DCUN1D1: variants seen among roughly 807,000 people sequenced by gnomAD.
DCUN1D1 encodes defective in cullin neddylation 1 domain containing 1.
A neutral mutation model predicts 39.0 loss-of-function variants in DCUN1D1; 3 were observed. The observed-to-expected ratio is 0.08, with a 90% CI of 0.04 to 0.20. DCUN1D1 has a LOEUF of 0.20. Ranked by LOEUF, DCUN1D1 falls within the 10% of genes least tolerant of loss-of-function variation. DCUN1D1 has a pLI of 1.00. For missense variants in DCUN1D1, 158 were observed against 302.4 expected (o/e 0.52, Z 3.54); for synonymous variants, 82 against 96.3 (o/e 0.85, Z 0.87).
At chr3:182,973,153 C>A (rs1256316175) in intron 1 of DCUN1D1, among the ~76,000 whole-genome samples, 1 of 152,058 alleles carries the variant, frequency 6.6e-6, no homozygotes, top group African/African-American at 2.4e-5. Context: ...TAGTATAGAA[C>A]CCTATATATA....
At chr3:182,980,062 G>A in intron 1 of DCUN1D1, 1 of 725,882 alleles carries the variant, frequency 1.4e-6, no homozygotes, top group Non-Finnish European at 1.7e-6. Context: ...TCGGGGCGGG[G>A]GGAGGCTACT....
rs960273141 is a variant in DCUN1D1 at position 182,965,590 on chromosome 3, A to G, written c.167T>C (p.Val56Ala). 2 of 1,613,632 alleles carry G rather than the reference A, an allele frequency of 1.2e-6. No individual in the cohort carries two copies. The highest frequency in any genetic ancestry group is 2.7e-5 in the African/African-American group (2 of 74,904). ...CTTCTTCCTGTCCAATGATCCTTTT[A>G]CACTCTCTCGTATATAAAGTTCAGG... The part of the protein sequence containing the change: ...QNPELYIRES[V>A]KGSLDRKKLE... Residue 56 changes from valine (V) to alanine (A), a missense_variant, in exon 2 of 7, where the codon GTA (valine) becomes GCA (alanine). Val to Ala is a moderately conservative substitution (Grantham distance 64). Transcript: ENST00000292782.
rs1577147093 is a variant in DCUN1D1, at chr3:182,938,860, A to G, written c.*6234T>C. On this transcript the variant is annotated 3_prime_UTR_variant, in exon 7 of 7. Coordinates refer to ENST00000292782, the MANE Select transcript of DCUN1D1 (RefSeq NM_020640.4). ...ATCTGTACAAAGTTTAATTACCACCACCAGTCAGTCATAGGCTAGTCGAGT... is the reference window on the plus strand; with the variant it reads ...ATCTGTACAAAGTTTAATTACCACCGCCAGTCAGTCATAGGCTAGTCGAGT... 6.6e-6 allele frequency: 1 copy of G among 152,314 alleles called. No individual in the cohort carries two copies. Among genetic ancestry groups the G allele is most frequent in the African/African-American group, 2.4e-5 (1 of 41,452 alleles). 9.4% of individuals were successfully genotyped at this position (152,314 alleles called of 1,614,324 possible).
chr3:182,966,121 G>C (rs780956436), intron 1 of DCUN1D1, among the ~76,000 whole-genome samples: 19 of 152,038 alleles, frequency 1.2e-4, no homozygotes, highest in Non-Finnish European at 2.2e-4. Flanking sequence ...ACACGGGGAA[G>C]AAGGTGACAT....
In DCUN1D1 at chr3:182,943,106, T is replaced by A. The variant is rs1726212880; in HGVS notation, c.*1988A>T. ...CCAATATGACTTTTAAAGAAAACAC[T>A]TTATATTGAAAAAAAAAAAAAAAAA... is the stretch of plus-strand genomic sequence containing the variant. On this transcript the variant is annotated 3_prime_UTR_variant, in exon 7 of 7. Coordinates refer to ENST00000292782, the MANE Select transcript of DCUN1D1 (RefSeq NM_020640.4). The A allele has an allele frequency of 3.6e-5, 5 of 138,798 alleles. No homozygotes were observed. The highest frequency in any genetic ancestry group is 8.8e-5 in the African/African-American group (3 of 33,904). 8.6% of individuals were successfully genotyped at this position (138,798 alleles called of 1,614,324 possible).
In DCUN1D1 at chr3:182,940,227, T is replaced by C. The variant is rs565380826; in HGVS notation, c.*4867A>G. 6.6e-6 allele frequency: 1 copy of C among 152,308 alleles called. No homozygotes were observed. Among genetic ancestry groups the C allele is most frequent in the South Asian group, 2.1e-4 (1 of 4,830 alleles). The allele number at this position is 152,308 out of a possible 1,614,324, so 9.4% of individuals were successfully genotyped here. A position where few individuals can be genotyped will look rare whatever the true frequency, so the allele number is the denominator to read the frequency against. ...TATTGCCCAAGTTTTCCATCAGATA[T>C]AAGGTTTTCTCAGAATATTTCATAA... On this transcript the variant is annotated 3_prime_UTR_variant, in exon 7 of 7. Coordinates refer to ENST00000292782, the MANE Select transcript of DCUN1D1 (RefSeq NM_020640.4).
At chr3:182,970,440 A>AT (rs1357762652) in intron 1 of DCUN1D1, among the ~76,000 whole-genome samples, 2 of 152,192 alleles carry the variant, frequency 1.3e-5, no homozygotes, top group Non-Finnish European at 2.9e-5. Flanking sequence ...AATAGAAGTA[A>AT]TTTTAATAAG....
In DCUN1D1 at chr3:182,943,870, C is replaced by G. The variant is rs1315654523; in HGVS notation, c.*1224G>C. 6.6e-6 allele frequency: 1 copy of G among 152,468 alleles called. No individual in the cohort carries two copies. Among genetic ancestry groups the G allele is most frequent in the Non-Finnish European group, 1.5e-5 (1 of 67,984 alleles). 9.4% of individuals were successfully genotyped at this position (152,468 alleles called of 1,614,324 possible). A position where few individuals can be genotyped will look rare whatever the true frequency, so the allele number is the denominator to read the frequency against. On this transcript the variant is annotated 3_prime_UTR_variant, in exon 7 of 7. Coordinates refer to ENST00000292782, the MANE Select transcript of DCUN1D1 (RefSeq NM_020640.4). ...TGAGCTAATCTGAGTGAAACGAAAA[C>G]AGTAAAGAGACTAGAAGCCAGATTG...
chr3:182,963,534 T>C (rs1325647357), intron 3 of DCUN1D1, among the ~76,000 whole-genome samples: 1 of 152,168 alleles, frequency 6.6e-6, no homozygotes, highest in Non-Finnish European at 1.5e-5. Flanking sequence ...GTTTTTAAAT[T>C]CTAGGATTTT....
chr3:182,948,905 G>A (rs2108625616), intron 4 of DCUN1D1, among the ~76,000 whole-genome samples: 1 of 151,652 alleles, frequency 6.6e-6, no homozygotes, highest in Admixed American at 6.6e-5. Context: ...AAAATTAGCT[G>A]GGCATAGTGG....
Position 182,980,480 on chromosome 3 carries a change from G to T in DCUN1D1, c.3+7C>A. 1 of 1,217,016 alleles carries T rather than the reference G, an allele frequency of 8.2e-7. No individual in the cohort carries two copies. Among genetic ancestry groups the T allele is most frequent in the South Asian group, 2.0e-5 (1 of 50,788 alleles). 75.4% of individuals were successfully genotyped at this position (1,217,016 alleles called of 1,614,324 possible). ...GGCAGGGCGGGCGGGCGGCCGCAGT[G>T]CCTCACCATGTTGGTGTCCTCCAGG... is the stretch of plus-strand genomic sequence containing the variant. On this transcript the variant is annotated splice_region_variant and intron_variant, in intron 1 of 6. Transcript: ENST00000292782.
At chr3:182,953,712 T>C (rs1230341611) in intron 4 of DCUN1D1, among the ~76,000 whole-genome samples, 3 of 152,122 alleles carry the variant, frequency 2.0e-5, no homozygotes, top group African/African-American at 7.2e-5. Flanking sequence ...ACAAAGTCAG[T>C]GATAAGGTAA....
intron 1 of DCUN1D1, among the ~76,000 whole-genome samples, chr3:182,974,665 C>T (rs1728121025): frequency 6.6e-6 from 1 of 151,308 alleles, no homozygotes; most frequent in Admixed American, 6.6e-5. Flanking sequence ...ATAAACACTC[C>T]ACATGTTTAT....
chr3:182,978,243 C>T (rs1728343793), intron 1 of DCUN1D1, among the ~76,000 whole-genome samples: 2 of 152,080 alleles, frequency 1.3e-5, no homozygotes, highest in Non-Finnish European at 2.9e-5. Flanking sequence ...TGGGCTGCAG[C>T]TACAGACACC....
chr3:182,968,057 T>C (rs1326973018), intron 1 of DCUN1D1, among the ~76,000 whole-genome samples: 6 of 152,058 alleles, frequency 3.9e-5, no homozygotes, highest in Non-Finnish European at 8.8e-5. Context: ...CCACAGACCA[T>C]ATCCTGGAAA....
In DCUN1D1 at chr3:182,940,366, C is replaced by T. The variant is rs1261354094; in HGVS notation, c.*4728G>A. ...GCTCATTAAGCCACTTACATGCTGC[C>T]CCTAAGTTTCAAACACTTCATTGTT... On this transcript the variant is annotated 3_prime_UTR_variant, in exon 7 of 7. Coordinates refer to ENST00000292782, the MANE Select transcript of DCUN1D1 (RefSeq NM_020640.4). 3.3e-5 allele frequency: 5 copies of T among 152,042 alleles called. No individual in the cohort carries two copies. Among genetic ancestry groups the T allele is most frequent in the Non-Finnish European group, 5.9e-5 (4 of 68,026 alleles). 9.4% of individuals were successfully genotyped at this position (152,042 alleles called of 1,614,324 possible).
chr3:182,964,137 T>C, intron 2 of DCUN1D1, 88 bp from the exon 3 acceptor site: 1 of 1,050,692 alleles, frequency 9.5e-7, no homozygotes, highest in South Asian at 1.6e-5. Context: ...TATGCCATTT[T>C]TTAAATGACC....
intron 6 of DCUN1D1, among the ~76,000 whole-genome samples, chr3:182,945,826 C>G (rs1726369121): frequency 6.6e-6 from 1 of 152,106 alleles, no homozygotes; most frequent in South Asian, 2.1e-4. Flanking sequence ...TTCACATGCC[C>G]ATCACCAAGT....
chr3:182,973,414 C>A (rs948725197), intron 1 of DCUN1D1, among the ~76,000 whole-genome samples: 1 of 152,210 alleles, frequency 6.6e-6, no homozygotes, highest in Admixed American at 6.5e-5. Flanking sequence ...AGTGAAATCA[C>A]AGACAAGAGG....
Sources: gnomAD v4.1 joint callset for allele counts (sites outside exome capture counted in the v4.1 genomes callset) on GRCh38, gnomAD v4.1.1 for gene constraint, MANE v1.5 for transcripts, NCBI Gene and HGNC (gene_info 2026-07-23, HGNC 2026-07-21) for gene names.